The following PGBD5 variants were observed in gnomAD, a reference collection of about 807,000 sequenced individuals.
PGBD5 encodes piggyBac transposable element-derived protein 5.
Under a neutral mutation model 47.9 loss-of-function variants are expected in PGBD5, and 14 were observed. The observed-to-expected ratio is 0.29, with a 90% CI of 0.19 to 0.46. PGBD5 has a LOEUF of 0.46. Among genes scored for constraint, PGBD5 ranks in the 20% least tolerant of loss-of-function variants. PGBD5 has a pLI of 1.00. For synonymous variants in PGBD5, 316 were observed against 306.3 expected (o/e 1.03, Z -0.33); for missense variants, 635 against 716.0 (o/e 0.89, Z 1.29).
chr1:230,418,643 C>T (rs1657577748), intron 1 of PGBD5, among the ~76,000 whole-genome samples: 1 of 152,150 alleles, frequency 6.6e-6, no homozygotes, highest in African/African-American at 2.4e-5. Context: ...CACCACCACG[C>T]TTGGCTAATT....
chr1:230,347,481 T>C (rs915536408), intron 3 of PGBD5, among the ~76,000 whole-genome samples: 155 of 146,374 alleles, frequency 1.1e-3, no homozygotes, highest in African/African-American at 3.0e-3. Flanking sequence ...CTTTTCTTTT[T>C]TTTTTTTTTT....
At chr1:230,394,876 CT>C (rs563075875) in intron 1 of PGBD5, among the ~76,000 whole-genome samples, 25 of 128,136 alleles carry the variant, frequency 2.0e-4, no homozygotes, top group African/African-American at 6.8e-4. Flanking sequence ...CTCCTCCCCC[CT>C]CTCCTCATGC....
intron 3 of PGBD5, among the ~76,000 whole-genome samples, chr1:230,344,751 G>C (rs1331216579): frequency 1.3e-5 from 2 of 152,150 alleles, no homozygotes; most frequent in Middle Eastern, 3.2e-3. Context: ...TTGAATTCTG[G>C]CTTCTAATGC....
At chr1:230,365,947 A>G (rs545694550) in intron 1 of PGBD5, among the ~76,000 whole-genome samples, 1 of 152,378 alleles carries the variant, frequency 6.6e-6, no homozygotes, top group African/African-American at 2.4e-5. Flanking sequence ...CAGCAAGATA[A>G]CAACACAGGA....
At chr1:230,375,129 C>T (rs1439281370) in intron 1 of PGBD5, among the ~76,000 whole-genome samples, 2 of 152,100 alleles carry the variant, frequency 1.3e-5, no homozygotes, top group Admixed American at 1.3e-4. Flanking sequence ...CCCACACTTG[C>T]GGAGATTGAA....
intron 1 of PGBD5, among the ~76,000 whole-genome samples, chr1:230,419,842 C>T (rs771931401): frequency 9.9e-5 from 15 of 152,172 alleles, no homozygotes; most frequent in Non-Finnish European, 1.5e-4. Context: ...GCTTAAGCTT[C>T]AGGCCAGGCG....
At chr1:230,420,546 C>G (rs1281474157) in intron 1 of PGBD5, among the ~76,000 whole-genome samples, 2 of 152,168 alleles carry the variant, frequency 1.3e-5, no homozygotes, top group East Asian at 1.9e-4. Context: ...CAGTTCCCCC[C>G]ATGCTGTTCT....
intron 1 of PGBD5, among the ~76,000 whole-genome samples, chr1:230,399,841 C>T (rs1013393884): frequency 2.6e-5 from 4 of 152,250 alleles, no homozygotes; most frequent in African/African-American, 7.2e-5. Flanking sequence ...TCCATCAGGG[C>T]AGCCAGCTGG....
intron 3 of PGBD5, among the ~76,000 whole-genome samples, chr1:230,343,472 T>G (rs1462927550): frequency 6.6e-6 from 1 of 152,236 alleles, no homozygotes; most frequent in African/African-American, 2.4e-5. Context: ...GTGGATTAAC[T>G]TCATTCAAAA....
At chr1:230,413,139 T>C (rs1339387069) in intron 1 of PGBD5, among the ~76,000 whole-genome samples, 4 of 152,114 alleles carry the variant, frequency 2.6e-5, no homozygotes, top group Non-Finnish European at 4.4e-5. Flanking sequence ...CTGATGATGT[T>C]AAGTGAGGAC....
intron 2 of PGBD5, 96 bp downstream of exon 2, chr1:230,356,798 G>T: frequency 1.5e-6 from 2 of 1,343,282 alleles, no homozygotes; most frequent in Non-Finnish European, 2.0e-6. Flanking sequence ...GGGCAGGCAG[G>T]GCAGGAAGGA....
intron 1 of PGBD5, among the ~76,000 whole-genome samples, chr1:230,404,952 A>G (rs1302183859): frequency 1.3e-5 from 2 of 148,850 alleles, no homozygotes; most frequent in South Asian, 2.1e-4. Context: ...AGGCTTCCCA[A>G]GGCAAGGTAT....
intron 1 of PGBD5, among the ~76,000 whole-genome samples, chr1:230,407,078 G>A (rs1479619455): frequency 1.3e-5 from 2 of 152,096 alleles, no homozygotes; most frequent in Non-Finnish European, 2.9e-5. Flanking sequence ...CAGGTGATCC[G>A]CCTGCCTTGG....
chr1:230,398,282 C>A (rs764746265), intron 1 of PGBD5, among the ~76,000 whole-genome samples: 1 of 152,128 alleles, frequency 6.6e-6, no homozygotes, highest in Non-Finnish European at 1.5e-5. Context: ...GTGCTGGAGG[C>A]GAGAAGTGTG....
rs1394771655 is a variant in PGBD5 at position 230,320,397 on chromosome 1, TG to T, written c.*3027del. ...GTTGCAGGGAAATGCAGATTCTCTT[TG>T]GAGAAGCTTGGAAGTTTTTGTGGGT... On this transcript the variant is annotated 3_prime_UTR_variant, in exon 7 of 7. Transcript: ENST00000391860. 6.6e-6 allele frequency: 1 copy of T among 152,170 alleles called. No homozygotes were observed. The highest frequency in any genetic ancestry group is 2.4e-5 in the African/African-American group (1 of 41,428). The allele number at this position is 152,170 out of a possible 1,614,324, so 9.4% of individuals were successfully genotyped here.
intron 1 of PGBD5, among the ~76,000 whole-genome samples, chr1:230,359,857 G>C (rs1037495192): frequency 6.6e-6 from 1 of 152,236 alleles, no homozygotes; most frequent in Non-Finnish European, 1.5e-5. Flanking sequence ...GGAGGGTAAA[G>C]TGGCACCACA....
At chr1:230,419,374 G>A (rs1340751383) in intron 1 of PGBD5, among the ~76,000 whole-genome samples, 1 of 115,044 alleles carries the variant, frequency 8.7e-6, no homozygotes, top group Non-Finnish European at 1.8e-5. Context: ...ACATGGACAT[G>A]AAGATGGCAA....
chr1:230,411,089 C>A (rs1016823915), intron 1 of PGBD5, among the ~76,000 whole-genome samples: 2 of 151,680 alleles, frequency 1.3e-5, no homozygotes, highest in Non-Finnish European at 2.9e-5. Flanking sequence ...CCAGCCTAGG[C>A]AACATAGCAA....
At chr1:230,397,041 A>C (rs1400517162) in intron 1 of PGBD5, among the ~76,000 whole-genome samples, 5 of 152,092 alleles carry the variant, frequency 3.3e-5, no homozygotes, top group African/African-American at 9.7e-5. Context: ...GTCACTGGAG[A>C]GGGAGTTCAC....
Sources: allele counts gnomAD v4.1 joint callset (sites outside exome capture counted in the v4.1 genomes callset), GRCh38; gene constraint gnomAD v4.1.1; transcripts MANE v1.5; gene names NCBI Gene and HGNC (gene_info 2026-07-23, HGNC 2026-07-21).